The following SLF2 variants were observed in gnomAD, a reference collection of about 807,000 sequenced individuals.
SLF2 encodes the protein SMC5-SMC6 complex localization factor protein 2.
In SLF2, 68 loss-of-function variants were observed where a neutral mutation model predicts 124.3. The ratio of observed to expected loss-of-function variants is 0.55; its 90% CI spans 0.45 to 0.67. The LOEUF is 0.67. Among genes scored for constraint, SLF2 ranks in the 30% least tolerant of loss-of-function variants. The pLI is 0.00. For missense variants in SLF2, 1,246 were observed against 1,373.7 expected, an observed-to-expected ratio of 0.91 and a Z score of 1.47; for synonymous variants, 480 against 478.8, an observed-to-expected ratio of 1.00 and a Z score of -0.03.
rs58078958 is a variant in SLF2 at position 100,959,999 on chromosome 10, T to C, written c.3486+503T>C. On this transcript the variant is annotated intron_variant, in intron 19 of 19. Transcript: ENST00000238961. ...CCTAGGCAAACACTAATCTACTTTC[T>C]GTCCCTATACATTTCCCTATTCTGG... 2.7e-3 allele frequency among the ~76,000 whole-genome samples: 410 copies of C among 152,364 alleles called. 9 individuals are homozygous for C. The East Asian group carries it at 0.056, about 21-fold the overall frequency.
rs917623274 is a variant in SLF2 at position 100,913,360 on chromosome 10, G to T, written c.140+110G>T. 51 of 1,374,834 alleles carry T rather than the reference G, an allele frequency of 3.7e-5. No individual in the cohort carries two copies. The South Asian group carries it at 7.8e-4, about 21-fold the overall frequency. The allele number at this position is 1,374,834 out of a possible 1,614,324, so 85.2% of individuals were successfully genotyped here. A position where few individuals can be genotyped will look rare whatever the true frequency, so the allele number is the denominator to read the frequency against. On this transcript the variant is annotated intron_variant, in intron 1 of 19. Coordinates refer to ENST00000238961, the MANE Select transcript of SLF2 (RefSeq NM_018121.4). ...CCCGCCATCCTCCGCGAGCTCAGGC[G>T]TTGGCATTTCGGGGCCTGGCAAATC...
Position 100,929,950 on chromosome 10 carries a change from A to G in SLF2, c.2286A>G (p.Arg762=). ...TCAATCAGTATACCTTGGATTTAAGAGACTCTGGTTTTATTGGACAAAGTG... is the reference window on the plus strand; with the variant it reads ...TCAATCAGTATACCTTGGATTTAAGGGACTCTGGTTTTATTGGACAAAGTG... ...KIFNQYTLDL[R]DSGFIGQSAV... Residue 762 remains arginine (R), a synonymous_variant, in exon 8 of 20, where the codon AGA becomes AGG. Transcript: ENST00000238961. The G allele has an allele frequency of 6.4e-7, 1 of 1,568,912 alleles. No individual in the cohort carries two copies. Among genetic ancestry groups the G allele is most frequent in the Non-Finnish European group, 8.6e-7 (1 of 1,160,252 alleles).
chr10:100,957,919 C>T (rs955027452), intron 18 of SLF2, among the ~76,000 whole-genome samples: 50 of 151,978 alleles, frequency 3.3e-4, no homozygotes, highest in African/African-American at 1.1e-3. Context: ...TGTGGTGGTG[C>T]GTGCCTGTAG....
At chr10:100,945,651 GTAT>G (rs1850090731) in intron 13 of SLF2, 145 bp downstream of exon 13, 2 of 643,884 alleles carry the variant, frequency 3.1e-6, no homozygotes, top group Non-Finnish European at 2.3e-6. Context: ...TGCTGGAGCT[GTAT>G]TATTTAAATT....
At chr10:100,947,245 T>C (rs1433891729) in intron 14 of SLF2, 109 bp downstream of exon 14, 2 of 599,096 alleles carry the variant, frequency 3.3e-6, no homozygotes, top group East Asian at 3.3e-5. Flanking sequence ...AGATCAGATA[T>C]GTTTATTTCA....
intron 12 of SLF2, among the ~76,000 whole-genome samples, chr10:100,944,750 C>T (rs1248779824): frequency 1.3e-5 from 2 of 151,646 alleles, no homozygotes; most frequent in Non-Finnish European, 2.9e-5. Context: ...AGAGGCCGGG[C>T]GCGGTGGCTC....
intron 12 of SLF2, among the ~76,000 whole-genome samples, chr10:100,944,620 A>T (rs933368778): frequency 1.3e-5 from 2 of 152,098 alleles, no homozygotes; most frequent in African/African-American, 4.8e-5. Context: ...AATATTAGTG[A>T]TGAACAGAAC....
rs1456885191 is a variant in SLF2, at chr10:100,952,716, A to C, written c.3330+1963A>C. Among the ~76,000 whole-genome samples, 4 of 151,912 alleles carry C rather than the reference A, an allele frequency of 2.6e-5. No individual in the cohort carries two copies. In the East Asian group the frequency reaches 7.8e-4, roughly 30 times the overall value. ...CACTTTGGGAGGCTGAGGCGGGTGG[A>C]TCACCTGAGATCAGGAGTTCGAGAC... On this transcript the variant is annotated intron_variant, in intron 17 of 19. Coordinates refer to ENST00000238961, the MANE Select transcript of SLF2 (RefSeq NM_018121.4).
At chr10:100,927,918 G>A (rs115896678) in intron 6 of SLF2, among the ~76,000 whole-genome samples, 2,824 of 151,594 alleles carry the variant, frequency 0.019, 94 homozygotes, top group African/African-American at 0.064. Context: ...CAGATTCTTT[G>A]CCTGTTTTTA....
chr10:100,937,307 G>C, intron 9 of SLF2, 95 bp from the exon 10 acceptor site: 2 of 907,744 alleles, frequency 2.2e-6, no homozygotes, highest in Non-Finnish European at 3.7e-6. Context: ...TGCTGCGCCT[G>C]GCCTACATAA....
rs766013626 is a variant in SLF2, at chr10:100,931,055, C to A, written c.2413C>A (p.Pro805Thr). 1.9e-6 allele frequency: 3 copies of A among 1,613,374 alleles called. No individual in the cohort carries two copies. In the South Asian group the frequency reaches 3.3e-5, roughly 18 times the overall value. The change falls in exon 9 of 20, where the codon CCT becomes ACT. Residue 805 changes from proline (P) to threonine (T), a missense_variant. By Grantham distance (38) the Pro-to-Thr change is conservative. This residue lies in a region of SLF2 where 535 missense variants were observed against 632.8 expected (regional missense o/e 0.85). Transcript: ENST00000238961. ...SAYHYVQCPVPVLKWLFRMMS... is the reference protein window; with the variant it reads ...SAYHYVQCPVTVLKWLFRMMS... The stretch of plus-strand genomic sequence containing the variant: ...TTATCACTATGTCCAGTGTCCTGTC[C>A]CTGTGTTAAAGTGGCTGTTTCGGGT...
rs934987744 is a variant in SLF2, at chr10:100,950,147, A to G, written c.3192A>G (p.Lys1064=). 4 of 1,613,970 alleles carry G rather than the reference A, an allele frequency of 2.5e-6. No individual in the cohort carries two copies. Among genetic ancestry groups the G allele is most frequent in the Non-Finnish European group, 1.7e-6 (2 of 1,179,958 alleles). Residue 1064 remains lysine (K), a synonymous_variant, in exon 16 of 20, where the codon AAA becomes AAG. Coordinates refer to ENST00000238961, the MANE Select transcript of SLF2 (RefSeq NM_018121.4). ...SDLLKKMVLK[K]KAEQPDGIID... ...TGTTAAAGAAAATGGTCTTGAAGAA[A>G]AAGGCTGAACAACCAGATGGCATTA...
rs142820027 is a variant in SLF2 at position 100,927,808 on chromosome 10, TC to T, written c.2043-1508del. ...TAGCCATCCTAACAGTAAAGTGGTA[TC>T]TCCTTATTGTTTGGTTTGCCTTCCC... is the stretch of plus-strand genomic sequence containing the variant. On this transcript the variant is annotated intron_variant, in intron 6 of 19. Coordinates refer to ENST00000238961, the MANE Select transcript of SLF2 (RefSeq NM_018121.4). Among the ~76,000 whole-genome samples, 1,128 of 152,278 alleles carry T rather than the reference TC, an allele frequency of 7.4e-3. 16 individuals carry two copies. The highest frequency in any genetic ancestry group is 0.026 in the African/African-American group (1,066 of 41,534).
chr10:100,950,085 C>T lies in SLF2; in HGVS notation c.3130C>T (p.Leu1044=). 1 of 1,610,228 alleles carries T rather than the reference C, an allele frequency of 6.2e-7. No homozygotes were observed. Residue 1044 remains leucine, a synonymous_variant, in exon 16 of 20, where the codon CTA becomes TTA. Coordinates refer to ENST00000238961, the MANE Select transcript of SLF2 (RefSeq NM_018121.4). ...PNASNLQVSV[L]HRYLVQMKPS... ...CTCTTTCTTTTGATAGGTATCAGTC[C>T]TACATCGCTATCTTGTGCAGATGAA...
chr10:100,946,781 A>G (rs1024386377), intron 13 of SLF2, among the ~76,000 whole-genome samples: 1 of 152,232 alleles, frequency 6.6e-6, no homozygotes, highest in Non-Finnish European at 1.5e-5. Context: ...AATGGGAGAT[A>G]TGATGTAGTA....
chr10:100,933,318 A>T (rs986744966), intron 9 of SLF2, among the ~76,000 whole-genome samples: 4 of 152,160 alleles, frequency 2.6e-5, no homozygotes, highest in Admixed American at 6.5e-5. Context: ...TTTCATATTT[A>T]TTTTCTGAAA....
intron 1 of SLF2, among the ~76,000 whole-genome samples, chr10:100,915,539 C>T (rs1322663542): frequency 6.6e-6 from 1 of 152,118 alleles, no homozygotes; most frequent in East Asian, 1.9e-4. Context: ...ATTTGGCATA[C>T]ATCTATTGAG....
chr10:100,929,251 A>G, intron 6 of SLF2, 66 bp from the exon 7 acceptor site: 1 of 1,444,252 alleles, frequency 6.9e-7, no homozygotes, highest in South Asian at 1.5e-5. Context: ...GCTTTTAGAT[A>G]TAAACTAAAG....
At position 100,943,910 on chromosome 10, in the gene SLF2, T is replaced by C. The variant is rs529463251; in HGVS notation, c.2655-116T>C. 1.3e-4 allele frequency: 78 copies of C among 611,614 alleles called. No homozygotes were observed. The South Asian group carries it at 1.5e-3, about 12-fold the overall frequency. The allele number at this position is 611,614 out of a possible 1,614,324, so 37.9% of individuals were successfully genotyped here. A position where few individuals can be genotyped will look rare whatever the true frequency, so the allele number is the denominator to read the frequency against. On this transcript the variant is annotated intron_variant, in intron 11 of 19. Coordinates refer to ENST00000238961, the MANE Select transcript of SLF2 (RefSeq NM_018121.4). ...ACTTAAAATGGGTACATTCCTTTTA[T>C]TGTATGTAAATTATACCTCGATAAA...
Sources: gnomAD v4.1 joint callset for allele counts (sites outside exome capture counted in the v4.1 genomes callset) on GRCh38, gnomAD v4.1.1 for gene constraint, gnomAD v4.1.1 regional missense constraint, MANE v1.5 for transcripts, NCBI Gene and HGNC (gene_info 2026-07-23, HGNC 2026-07-21) for gene names.